PVT1: variants seen among roughly 807,000 people sequenced by gnomAD.
The protein encoded by PVT1 is CXCR4/PVT1 fusion.
At chr8:127,921,243 G>A (rs1009207425) in intron 3 of PVT1, among the ~76,000 whole-genome samples, 30 of 152,220 alleles carry the variant, frequency 2.0e-4, no homozygotes, top group African/African-American at 6.5e-4. Context: ...ATAGCAATTG[G>A]GGAGCACTAG....
At chr8:128,025,875 C>T (rs1248100959) in intron 4 of PVT1, among the ~76,000 whole-genome samples, 1 of 152,140 alleles carries the variant, frequency 6.6e-6, no homozygotes, top group African/African-American at 2.4e-5. Context: ...TTGAGTAGCT[C>T]CCCCAGTGGC....
intron 3 of PVT1, among the ~76,000 whole-genome samples, chr8:127,973,753 T>C (rs1816790152): frequency 3.2e-5 from 2 of 61,578 alleles, no homozygotes; most frequent in East Asian, 1.8e-3. Context: ...CTGAGGTGGG[T>C]GGATCAACGA....
chr8:127,831,638 G>C (rs1015666941), intron 2 of PVT1, among the ~76,000 whole-genome samples: 1 of 152,168 alleles, frequency 6.6e-6, no homozygotes, highest in Non-Finnish European at 1.5e-5. Context: ...AGCTGGAAAA[G>C]GTGATTACAA....
At chr8:128,064,418 T>A (rs1299200418) in intron 4 of PVT1, among the ~76,000 whole-genome samples, 1 of 152,240 alleles carries the variant, frequency 6.6e-6, no homozygotes, top group East Asian at 1.9e-4. Context: ...GGTCACCTTT[T>A]AACCCTCCTT....
At chr8:127,926,797 C>G (rs1215021084) in intron 3 of PVT1, among the ~76,000 whole-genome samples, 1 of 152,196 alleles carries the variant, frequency 6.6e-6, no homozygotes, top group Non-Finnish European at 1.5e-5. Flanking sequence ...ACTTGGAGAT[C>G]CTTGGCCTGC....
At chr8:127,822,408 A>T (rs1586394230) in intron 2 of PVT1, among the ~76,000 whole-genome samples, 1 of 152,132 alleles carries the variant, frequency 6.6e-6, no homozygotes, top group Non-Finnish European at 1.5e-5. Flanking sequence ...GAAATCCCAT[A>T]TCTACTAAAA....
At chr8:128,010,574 A>G (rs1466132760) in intron 4 of PVT1, 1 of 152,202 alleles carries the variant, frequency 6.6e-6, no homozygotes, top group East Asian at 1.9e-4. Flanking sequence ...CACCTCGGTG[A>G]AACCTCATTG....
chr8:128,072,683 G>A (rs1222110825), intron 5 of PVT1, among the ~76,000 whole-genome samples: 1 of 152,128 alleles, frequency 6.6e-6, no homozygotes, highest in East Asian at 1.9e-4. Context: ...ATGGACTGGA[G>A]GCAGGCACCG....
intron 2 of PVT1, among the ~76,000 whole-genome samples, chr8:127,815,671 C>A (rs980874997): frequency 2.0e-5 from 3 of 152,198 alleles, no homozygotes; most frequent in Admixed American, 2.0e-4. Flanking sequence ...CCCAAAAAAT[C>A]CCAACATATT....
At chr8:128,036,907 T>C (rs1344863654) in intron 4 of PVT1, among the ~76,000 whole-genome samples, 9 of 152,228 alleles carry the variant, frequency 5.9e-5, no homozygotes, top group Non-Finnish European at 1.5e-5. Context: ...TGCTGTTCCA[T>C]TCCTGCCTGC....
intron 4 of PVT1, among the ~76,000 whole-genome samples, chr8:128,057,147 G>A (rs546698031): frequency 6.6e-6 from 1 of 152,290 alleles, no homozygotes; most frequent in East Asian, 1.9e-4. Flanking sequence ...CCCAGGTCCA[G>A]CTTCTGGGTG....
chr8:127,990,721 AT>A (rs1302155824), intron 4 of PVT1, among the ~76,000 whole-genome samples: 3 of 152,236 alleles, frequency 2.0e-5, no homozygotes, highest in African/African-American at 7.2e-5. Flanking sequence ...TCAAAAGCGC[AT>A]TTGCGTTTCA....
At chr8:127,994,327 G>C (rs1307831643) in intron 4 of PVT1, among the ~76,000 whole-genome samples, 3 of 152,148 alleles carry the variant, frequency 2.0e-5, no homozygotes, top group Non-Finnish European at 2.9e-5. Context: ...CAGAGCCTTG[G>C]GTCTCACTGA....
At chr8:128,009,495 T>C (rs1817288928) in intron 4 of PVT1, 1 of 152,586 alleles carries the variant, frequency 6.6e-6, no homozygotes, top group Non-Finnish European at 1.5e-5. Context: ...TTTTTTTCTG[T>C]CTAAAGACAT....
chr8:127,905,443 T>C (rs934221727), intron 3 of PVT1, among the ~76,000 whole-genome samples: 2 of 152,240 alleles, frequency 1.3e-5, no homozygotes, highest in Non-Finnish European at 2.9e-5. Flanking sequence ...TGTGTATTTC[T>C]TGTGGTCTTA....
At chr8:127,973,775 C>T (rs75155846) in intron 3 of PVT1, among the ~76,000 whole-genome samples, 1 of 150,954 alleles carries the variant, frequency 6.6e-6, no homozygotes, top group Non-Finnish European at 1.5e-5. Flanking sequence ...GTCAGGAGAT[C>T]GAGACCATCC....
intron 5 of PVT1, among the ~76,000 whole-genome samples, chr8:128,071,721 A>AATAG (rs139320168): frequency 1.4e-5 from 2 of 147,450 alleles, no homozygotes; most frequent in Non-Finnish European, 3.0e-5. Context: ...TAAATAAATA[A>AATAG]AAATAAAAGA....
chr8:127,951,590 C>T (rs1042871326), intron 3 of PVT1, among the ~76,000 whole-genome samples: 2 of 152,202 alleles, frequency 1.3e-5, no homozygotes, highest in East Asian at 3.9e-4. Context: ...ACAATATCAA[C>T]AGCAAGCCTC....
intron 4 of PVT1, among the ~76,000 whole-genome samples, chr8:128,042,908 C>T (rs1443509306): frequency 3.3e-5 from 5 of 152,010 alleles, no homozygotes; most frequent in Non-Finnish European, 4.4e-5. Context: ...GGATTACAGG[C>T]TTGCACCACC....
Sources: gnomAD v4.1 joint callset for allele counts (sites outside exome capture counted in the v4.1 genomes callset) on GRCh38, gnomAD v4.1.1 for gene constraint, MANE v1.5 for transcripts, NCBI Gene and HGNC (gene_info 2026-07-23, HGNC 2026-07-21) for gene names.